CLCNKB: variants seen among roughly 807,000 people sequenced by gnomAD.
CLCNKB encodes the protein chloride voltage-gated channel Kb, also known as chloride channel protein ClC-Kb.
Under a neutral mutation model 83.8 loss-of-function variants are expected in CLCNKB, and 74 were observed. The observed-to-expected ratio is 0.88, with a 90% CI of 0.73 to 1.07. The LOEUF (loss-of-function observed/expected upper bound fraction) is 1.07. Ranked by LOEUF, CLCNKB falls within the 50% of genes least tolerant of loss-of-function variation. The probability of loss-of-function intolerance (pLI) is 0.00; values close to 1 mark genes in which losing one functional copy is unlikely to be tolerated. For missense variants in CLCNKB, 798 were observed against 893.6 expected, an observed-to-expected ratio of 0.89 and a Z score of 1.36; for synonymous variants, 358 against 356.6, an observed-to-expected ratio of 1.00 and a Z score of -0.04.
At chr1:16,049,588 T>C (rs751877162) in intron 8 of CLCNKB, 30 bp from the exon 9 acceptor site, 29 of 1,545,398 alleles carry the variant, frequency 1.9e-5, no homozygotes, top group Non-Finnish European at 2.6e-5. Flanking sequence ...GGGAGCGCCA[T>C]CTTGGCTCCC....
At chr1:16,045,464 C>T in intron 2 of CLCNKB, 94 bp from the exon 3 acceptor site, 2 of 1,490,416 alleles carry the variant, frequency 1.3e-6, no homozygotes, top group Non-Finnish European at 1.8e-6. Context: ...CCCCCTGCCC[C>T]AGCCTCTCTG....
At chr1:16,055,545 G>A in intron 17 of CLCNKB, 22 bp downstream of exon 17, 1 of 1,569,598 alleles carries the variant, frequency 6.4e-7, no homozygotes, top group Non-Finnish European at 8.7e-7. Context: ...TGAGGGGCAT[G>A]GGGATGGGGC....
chr1:16,048,412 G>A lies in CLCNKB; in HGVS notation c.568G>A (p.Glu190Lys), dbSNP rs765290842. ...LGRVRTTTIG[E>K]PENKSKQNEM... ...CCGTGTGCGCACCACGACCATCGGG[G>A]AGCCTGAGGTTAGGGACTCGGGGGC... The change falls in exon 6 of 20, where the codon GAG (glutamate) becomes AAG (lysine). Residue 190 changes from glutamate (E) to lysine (K), a missense_variant. Physicochemically the swap from Glu to Lys is moderately conservative, Grantham distance 56. Transcript: ENST00000375679. 1 of 1,614,086 alleles carries A rather than the reference G, an allele frequency of 6.2e-7. No homozygotes were observed. Among genetic ancestry groups the A allele is most frequent in the South Asian group, 1.1e-5 (1 of 91,074 alleles).
intron 4 of CLCNKB, 35 bp downstream of exon 4, chr1:16,046,698 C>G (rs2023114125): frequency 1.3e-6 from 2 of 1,537,046 alleles, no homozygotes; most frequent in Non-Finnish European, 1.8e-6. Context: ...TCCCCACTGG[C>G]CAAAACCTTC....
intron 5 of CLCNKB, 38 bp from the exon 6 acceptor site, chr1:16,048,305 C>T: frequency 3.1e-6 from 5 of 1,609,756 alleles, no homozygotes; most frequent in Non-Finnish European, 4.2e-6. Flanking sequence ...GTCTCTGCTG[C>T]CCTCACCTGG....
Position 16,046,787 on chromosome 1 carries a change from A to G in CLCNKB, c.358+124A>G, listed in dbSNP as rs2095540. 0.79 allele frequency: 1,009,750 copies of G among 1,284,462 alleles called. 404,364 individuals are homozygous for G. Among genetic ancestry groups the G allele is most frequent in the East Asian group, 0.99 (41,177 of 41,772 alleles). The allele number at this position is 1,284,462 out of a possible 1,614,324, so 79.6% of individuals were successfully genotyped here. A position where few individuals can be genotyped will look rare whatever the true frequency, so the allele number is the denominator to read the frequency against. ...CCAGGAAGAGTCATGTGGCTTGCCC[A>G]AAGGGACACAGCAAGAAGGCCAGAT... On this transcript the variant is annotated intron_variant, in intron 4 of 19. Transcript: ENST00000375679.
In CLCNKB at chr1:16,050,352, G is replaced by A. The variant is rs972524681; in HGVS notation, c.969-164G>A. On this transcript the variant is annotated intron_variant, in intron 10 of 19. Coordinates refer to ENST00000375679, the MANE Select transcript of CLCNKB (RefSeq NM_000085.5). ...AGCCTCTACCCCTAAAAATACCCAG[G>A]AGTGTGGGGCTGACCCCACAGGTTC... 2.6e-5 allele frequency among the ~76,000 whole-genome samples: 4 copies of A among 152,116 alleles called. No homozygotes were observed. The East Asian group carries it at 7.7e-4, about 29-fold the overall frequency.
At position 16,056,937 on chromosome 1, in the gene CLCNKB, C is replaced by T; in HGVS notation, c.*21C>T. On this transcript the variant is annotated 3_prime_UTR_variant, in exon 20 of 20. Transcript: ENST00000375679. The stretch of plus-strand genomic sequence containing the variant: ...AGTGAGCCGGCCCAGCAAGATGAAA[C>T]AGGGCACCCCAGCTGACCTGGTACT... 6.2e-7 allele frequency: 1 copy of T among 1,605,764 alleles called. No homozygotes were observed. The highest frequency in any genetic ancestry group is 8.5e-7 in the Non-Finnish European group (1 of 1,175,278).
At chr1:16,046,757 A>G in intron 4 of CLCNKB, 94 bp downstream of exon 4, 3 of 1,493,088 alleles carry the variant, frequency 2.0e-6, no homozygotes, top group Non-Finnish European at 2.8e-6. Flanking sequence ...TTCACAGACA[A>G]AGGCCCAGGA....
chr1:16,045,789 G>GCC, intron 3 of CLCNKB, 103 bp downstream of exon 3: 1 of 589,700 alleles, frequency 1.7e-6, no homozygotes, highest in Non-Finnish European at 2.8e-6. Context: ...TGGGGGGGGT[G>GCC]CTCTGGGTGG....
intron 11 of CLCNKB, 109 bp downstream of exon 11, chr1:16,050,709 A>G: frequency 1.3e-6 from 2 of 1,481,976 alleles, no homozygotes; most frequent in Non-Finnish European, 1.9e-6. Context: ...ATGCCTCAGC[A>G]TTATTTTATA....
chr1:16,045,457 C>T (rs2023070397), intron 2 of CLCNKB, 101 bp from the exon 3 acceptor site: 1 of 1,435,856 alleles, frequency 7.0e-7, no homozygotes, highest in Non-Finnish European at 9.6e-7. Context: ...GCTCCATCCC[C>T]CTGCCCCAGC....
chr1:16,053,647 G>A lies in CLCNKB; in HGVS notation c.1631G>A (p.Arg544His), dbSNP rs529493183. The A allele has an allele frequency of 4.4e-4, 718 of 1,613,680 alleles. 4 individuals carry two copies. Among genetic ancestry groups the A allele is most frequent in the South Asian group, 9.7e-4 (88 of 91,074 alleles). The change falls in exon 16 of 20, where the codon CGC (arginine) becomes CAC (histidine). Residue 544 changes from arginine to histidine, a missense_variant. Coordinates refer to ENST00000375679, the MANE Select transcript of CLCNKB (RefSeq NM_000085.5). ...AGCCCCTCTGCCTGCAGTTCCCACC[G>A]CGTGAGGGTGGAGCACTTCATGAAC... Reference protein sequence around the residue: ...RILGRNIGSHRVRVEHFMNHS... With the variant: ...RILGRNIGSHHVRVEHFMNHS...
intron 12 of CLCNKB, 96 bp downstream of exon 12, chr1:16,051,144 C>T (rs1557470559): frequency 1.3e-6 from 2 of 1,570,550 alleles, no homozygotes; most frequent in East Asian, 2.3e-5. Context: ...GAGCCCAGGC[C>T]TTCCACCCAC....
chr1:16,050,762 C>T (rs1271507005), intron 11 of CLCNKB, 113 bp from the exon 12 acceptor site: 82 of 1,555,620 alleles, frequency 5.3e-5, no homozygotes, highest in Non-Finnish European at 6.6e-5. Flanking sequence ...TGCCCAAGGC[C>T]CCCCGCTGGG....
At chr1:16,045,506 CTG>C (rs2023071818) in intron 2 of CLCNKB, 50 bp from the exon 3 acceptor site, 4 of 1,606,220 alleles carry the variant, frequency 2.5e-6, no homozygotes, top group Non-Finnish European at 3.4e-6. Flanking sequence ...AAGGATGGGA[CTG>C]TCTGTGCCTC....
intron 15 of CLCNKB, 25 bp from the exon 16 acceptor site, chr1:16,053,614 C>T: frequency 1.2e-6 from 2 of 1,613,792 alleles, no homozygotes; most frequent in Non-Finnish European, 1.7e-6. Flanking sequence ...ACTGTGGGGC[C>T]TGATGGGAGC....
chr1:16,049,821 C>T lies in CLCNKB; in HGVS notation c.873C>T (p.Leu291=), dbSNP rs745308849. The T allele has an allele frequency of 1.1e-5, 17 of 1,613,708 alleles. No homozygotes were observed. Among genetic ancestry groups the T allele is most frequent in the Non-Finnish European group, 1.3e-5 (15 of 1,179,908 alleles). ...ATGTCTCCATGCTCCCCAGGGGTCT[C>T]TGTGGCATCCTGGGCAGCGCTTACC... ...EIFFFVALGG[L]CGILGSAYLF... Residue 291 remains leucine, a synonymous_variant, in exon 10 of 20, where the codon CTC becomes CTT. Transcript: ENST00000375679.
intron 18 of CLCNKB, 136 bp downstream of exon 18, chr1:16,055,894 G>A: frequency 1.2e-6 from 1 of 810,254 alleles, no homozygotes; most frequent in African/African-American, 1.7e-5. Context: ...TCCTGGGCCA[G>A]TGTCCTCATC....
Sources: allele counts gnomAD v4.1 joint callset (sites outside exome capture counted in the v4.1 genomes callset), GRCh38; gene constraint gnomAD v4.1.1; transcripts MANE v1.5; gene names NCBI Gene and HGNC (gene_info 2026-07-23, HGNC 2026-07-21).